Variants in MYRIP observed in about 807,000 individuals in gnomAD.
The protein encoded by MYRIP is rab effector MyRIP.
MYRIP carries 49 observed loss-of-function variants against 98.0 expected under a neutral mutation model. The observed-to-expected ratio is 0.50, with a 90% CI of 0.40 to 0.63. The LOEUF (loss-of-function observed/expected upper bound fraction) is 0.63. Among genes scored for constraint, MYRIP ranks in the 30% least tolerant of loss-of-function variants. MYRIP has a pLI of 0.00. For missense variants in MYRIP, 1,004 were observed against 1,058.2 expected, an observed-to-expected ratio of 0.95 and a Z score of 0.71; for synonymous variants, 404 against 409.5, an observed-to-expected ratio of 0.99 and a Z score of 0.16.
intron 3 of MYRIP, among the ~76,000 whole-genome samples, chr3:40,107,087 T>A (rs1205082637): frequency 6.6e-6 from 1 of 152,268 alleles, no homozygotes; most frequent in Non-Finnish European, 1.5e-5. Context: ...TTGCAACCCA[T>A]GCGCTCAACT....
At chr3:39,998,865 AT>A (rs1946440715) in intron 2 of MYRIP, among the ~76,000 whole-genome samples, 1 of 152,216 alleles carries the variant, frequency 6.6e-6, no homozygotes, top group African/African-American at 2.4e-5. Flanking sequence ...GTCCTCAGAA[AT>A]AACGCCGCAT....
At chr3:40,141,657 G>C (rs900549119) in intron 3 of MYRIP, among the ~76,000 whole-genome samples, 1 of 152,112 alleles carries the variant, frequency 6.6e-6, no homozygotes, top group African/African-American at 2.4e-5. Flanking sequence ...TCATAATTCT[G>C]TATATAGATA....
intron 13 of MYRIP, among the ~76,000 whole-genome samples, chr3:40,246,913 G>C (rs578223749): frequency 2.0e-5 from 3 of 152,124 alleles, no homozygotes; most frequent in Non-Finnish European, 2.9e-5. Context: ...GAGCTTATCA[G>C]ATAGATGGCC....
At chr3:39,842,759 C>T (rs6797398) in intron 1 of MYRIP, among the ~76,000 whole-genome samples, 1 of 152,126 alleles carries the variant, frequency 6.6e-6, no homozygotes, top group Admixed American at 6.5e-5. Context: ...GATTACCCCC[C>T]CTGCTTCTGT....
chr3:40,178,483 T>C (rs1215819403), intron 8 of MYRIP, among the ~76,000 whole-genome samples: 2 of 152,130 alleles, frequency 1.3e-5, no homozygotes, highest in South Asian at 2.1e-4. Flanking sequence ...GAGCATCGAA[T>C]TGGAATCAGT....
At chr3:40,222,224 T>C (rs1427978529) in intron 11 of MYRIP, among the ~76,000 whole-genome samples, 3 of 152,352 alleles carry the variant, frequency 2.0e-5, no homozygotes, top group African/African-American at 4.8e-5. Context: ...ATAAATATAG[T>C]AATTATACTT....
intron 2 of MYRIP, among the ~76,000 whole-genome samples, chr3:39,986,769 G>T (rs964907186): frequency 6.6e-6 from 1 of 152,126 alleles, no homozygotes; most frequent in Non-Finnish European, 1.5e-5. Context: ...ACTTGCTAAT[G>T]CAGGAGAACA....
intron 2 of MYRIP, among the ~76,000 whole-genome samples, chr3:40,002,228 T>G (rs1946534660): frequency 6.6e-6 from 1 of 152,300 alleles, no homozygotes; most frequent in East Asian, 1.9e-4. Context: ...TTATTTTAAA[T>G]TTTATTTTAA....
chr3:40,246,793 T>G (rs1953221011), intron 13 of MYRIP, among the ~76,000 whole-genome samples: 1 of 152,090 alleles, frequency 6.6e-6, no homozygotes, highest in African/African-American at 2.4e-5. Flanking sequence ...AAGTAAATAT[T>G]TTCACTTTAT....
At chr3:39,891,259 G>T (rs1400058694) in intron 1 of MYRIP, among the ~76,000 whole-genome samples, 1 of 151,906 alleles carries the variant, frequency 6.6e-6, no homozygotes, top group Non-Finnish European at 1.5e-5. Flanking sequence ...AAATTTTCAT[G>T]ATCTTCTCTT....
At position 39,887,083 on chromosome 3, in the gene MYRIP, A is replaced by G. The variant is rs536119792; in HGVS notation, c.-30-13704A>G. 4.4e-3 allele frequency among the ~76,000 whole-genome samples: 669 copies of G among 152,132 alleles called. 5 individuals carry two copies. The highest frequency in any genetic ancestry group is 5.3e-3 in the Non-Finnish European group (358 of 67,984). Reference sequence around the variant, plus strand: ...TGGAAACTGAACAACCTGCTCCTGAATGACTACTGGGTACATAACAAAATG... The same window carrying G: ...TGGAAACTGAACAACCTGCTCCTGAGTGACTACTGGGTACATAACAAAATG... On this transcript the variant is annotated intron_variant, in intron 1 of 16. Transcript: ENST00000302541.
In MYRIP at chr3:40,203,359, T is replaced by C. The variant is rs970803231; in HGVS notation, c.1666-6495T>C. On this transcript the variant is annotated intron_variant, in intron 10 of 16. Transcript: ENST00000302541. The stretch of plus-strand genomic sequence containing the variant: ...TTAAATACTGTCAATTTAAGAAAAA[T>C]GTTGGCACCACCCTAAATATAAATG... Among the ~76,000 whole-genome samples the C allele has an allele frequency of 2.0e-5, 3 of 151,988 alleles. No individual in the cohort carries two copies. The East Asian group carries it at 5.8e-4, about 29-fold the overall frequency.
At chr3:40,228,539 A>G (rs1396970516) in intron 11 of MYRIP, among the ~76,000 whole-genome samples, 1 of 152,198 alleles carries the variant, frequency 6.6e-6, no homozygotes, top group Non-Finnish European at 1.5e-5. Context: ...TTCTTGGCTG[A>G]CCATGAACCT....
rs911604380 is a variant in MYRIP at position 40,044,345 on chromosome 3, G to C, written c.332+74G>C. 9.1e-6 allele frequency: 13 copies of C among 1,431,310 alleles called. No individual in the cohort carries two copies. In the African/African-American group the frequency reaches 1.8e-4, roughly 20 times the overall value. 88.7% of individuals were successfully genotyped at this position (1,431,310 alleles called of 1,614,324 possible). A position where few individuals can be genotyped will look rare whatever the true frequency, so the allele number is the denominator to read the frequency against. On this transcript the variant is annotated intron_variant, in intron 3 of 16. Coordinates refer to ENST00000302541, the MANE Select transcript of MYRIP (RefSeq NM_015460.4). ...TTCACCTGCCACTTCCTTCAGTCAG[G>C]TAGAACCAGCTATGATTGGTAGATC...
chr3:40,122,709 C>A (rs1245151777), intron 3 of MYRIP, among the ~76,000 whole-genome samples: 2 of 151,706 alleles, frequency 1.3e-5, no homozygotes, highest in African/African-American at 4.8e-5. Context: ...ATTTTATAGA[C>A]ACATAATAGT....
At chr3:40,159,908 CAA>C (rs906827326) in intron 4 of MYRIP, among the ~76,000 whole-genome samples, 2 of 152,094 alleles carry the variant, frequency 1.3e-5, no homozygotes, top group African/African-American at 4.8e-5. Flanking sequence ...AAATTTTTTT[CAA>C]AGTTTTCAAC....
chr3:39,850,640 T>C (rs1045748143), intron 1 of MYRIP, among the ~76,000 whole-genome samples: 1 of 152,248 alleles, frequency 6.6e-6, no homozygotes, highest in Non-Finnish European at 1.5e-5. Flanking sequence ...TTGAGCCTAC[T>C]GTGTTTGATC....
chr3:40,112,824 T>G (rs1337957814), intron 3 of MYRIP, among the ~76,000 whole-genome samples: 1 of 152,182 alleles, frequency 6.6e-6, no homozygotes, highest in Non-Finnish European at 1.5e-5. Context: ...GGCCTCATGA[T>G]CCACAGGCTA....
At chr3:40,041,247 T>C (rs1203081826) in intron 2 of MYRIP, among the ~76,000 whole-genome samples, 2 of 117,300 alleles carry the variant, frequency 1.7e-5, no homozygotes, top group African/African-American at 5.9e-5. Context: ...CAACTGATAC[T>C]ATATAACTGG....
Sources: allele counts gnomAD v4.1 joint callset (sites outside exome capture counted in the v4.1 genomes callset), GRCh38; gene constraint gnomAD v4.1.1; transcripts MANE v1.5; gene names NCBI Gene and HGNC (gene_info 2026-07-23, HGNC 2026-07-21).